The following LGR4 variants were observed in gnomAD, a reference collection of about 807,000 sequenced individuals.
LGR4 encodes leucine rich repeat containing G protein-coupled receptor 4, also known as leucine-rich repeat-containing G protein-coupled receptor 4.
Under a neutral mutation model 84.8 loss-of-function variants are expected in LGR4, and 44 were observed. The ratio of observed to expected loss-of-function variants is 0.52; its 90% CI spans 0.41 to 0.67. The LOEUF is 0.67. Ranked by LOEUF, LGR4 falls within the 30% of genes least tolerant of loss-of-function variation. The pLI is 0.00. For missense variants in LGR4, 1,032 were observed against 1,131.4 expected, an observed-to-expected ratio of 0.91 and a Z score of 1.26; for synonymous variants, 429 against 434.3, an observed-to-expected ratio of 0.99 and a Z score of 0.15.
chr11:27,414,766 G>A lies in LGR4; in HGVS notation c.186-1906C>T, dbSNP rs562517759. Among the ~76,000 whole-genome samples the A allele has an allele frequency of 2.9e-3, 448 of 152,140 alleles. 2 individuals are homozygous for A. The highest frequency in any genetic ancestry group is 0.01 in the African/African-American group (431 of 41,524). ...TGGCACCAAAACAGGGGTCAGAAAAGGCAGGCGCAACTCCCACACTGCCAC... is the reference window on the plus strand; with the variant it reads ...TGGCACCAAAACAGGGGTCAGAAAAAGCAGGCGCAACTCCCACACTGCCAC... On this transcript the variant is annotated intron_variant, in intron 1 of 17. Coordinates refer to ENST00000379214, the MANE Select transcript of LGR4 (RefSeq NM_018490.5).
At chr11:27,370,148 G>A (rs985158633) in intron 17 of LGR4, among the ~76,000 whole-genome samples, 3 of 152,112 alleles carry the variant, frequency 2.0e-5, no homozygotes, top group East Asian at 1.9e-4. Flanking sequence ...TAAAAAACAT[G>A]TTTTATGAAC....
intron 2 of LGR4, among the ~76,000 whole-genome samples, chr11:27,401,147 AG>A (rs1489771299): frequency 6.6e-6 from 1 of 152,244 alleles, no homozygotes; most frequent in Non-Finnish European, 1.5e-5. Context: ...AGAAGGGAGA[AG>A]TTATTTCACA....
intron 13 of LGR4, 150 bp downstream of exon 13, chr11:27,376,149 T>C: frequency 2.0e-6 from 1 of 490,708 alleles, no homozygotes. Flanking sequence ...GCTAATTTTT[T>C]GTATTTAGTA....
intron 2 of LGR4, among the ~76,000 whole-genome samples, chr11:27,398,131 T>C (rs1319187709): frequency 6.6e-6 from 1 of 152,208 alleles, no homozygotes; most frequent in Admixed American, 6.5e-5. Context: ...TTTTCAATAA[T>C]ATCCTTGACT....
chr11:27,408,468 C>T (rs1390638702), intron 2 of LGR4, among the ~76,000 whole-genome samples: 1 of 152,110 alleles, frequency 6.6e-6, no homozygotes, highest in East Asian at 1.9e-4. Flanking sequence ...ATCAAAGTAA[C>T]AGCCACAGCA....
intron 2 of LGR4, among the ~76,000 whole-genome samples, chr11:27,409,977 T>C (rs1202381091): frequency 1.3e-5 from 2 of 152,178 alleles, no homozygotes; most frequent in South Asian, 2.1e-4. Flanking sequence ...TGTTGTCCAA[T>C]AGAACTTTCT....
chr11:27,367,523 T>C lies in LGR4; in HGVS notation c.*344A>G, dbSNP rs1185327698. 1 of 168,388 alleles carries C rather than the reference T, an allele frequency of 5.9e-6. No homozygotes were observed. The highest frequency in any genetic ancestry group is 2.4e-5 in the African/African-American group (1 of 42,084). 10.4% of individuals were successfully genotyped at this position (168,388 alleles called of 1,614,324 possible). A position where few individuals can be genotyped will look rare whatever the true frequency, so the allele number is the denominator to read the frequency against. ...GATTTTTAAAAAATATTAACAGCTGTTCTTTATCTTGTGCTTAATACACAA... is the reference window on the plus strand; with the variant it reads ...GATTTTTAAAAAATATTAACAGCTGCTCTTTATCTTGTGCTTAATACACAA... On this transcript the variant is annotated 3_prime_UTR_variant, in exon 18 of 18. Coordinates refer to ENST00000379214, the MANE Select transcript of LGR4 (RefSeq NM_018490.5).
intron 2 of LGR4, among the ~76,000 whole-genome samples, chr11:27,397,833 C>T (rs752092504): frequency 9.9e-5 from 15 of 152,106 alleles, no homozygotes; most frequent in Admixed American, 7.9e-4. Flanking sequence ...AAGGGGACAC[C>T]GTTTACCTCA....
chr11:27,450,002 G>C, intron 1 of LGR4, among the ~76,000 whole-genome samples: 1 of 152,206 alleles, frequency 6.6e-6, no homozygotes. Flanking sequence ...CTGAAAGGCA[G>C]AACTTGGCTA....
intron 1 of LGR4, among the ~76,000 whole-genome samples, chr11:27,448,341 G>A (rs1590401916): frequency 6.7e-6 from 1 of 148,330 alleles, no homozygotes; most frequent in African/African-American, 2.5e-5. Context: ...TGCCCAGGCT[G>A]GAGTGCAATG....
rs1372891319 is a variant in LGR4, at chr11:27,434,250, A to G, written c.186-21390T>C. ...AAAAGAGAGGCTATTTGTTCTGGAG[A>G]AGATGAGATTGAGGAAGAAACCTGA... On this transcript the variant is annotated intron_variant, in intron 1 of 17. Transcript: ENST00000379214. 2.0e-5 allele frequency among the ~76,000 whole-genome samples: 3 copies of G among 152,330 alleles called. No homozygotes were observed. In the East Asian group the frequency reaches 5.8e-4, roughly 29 times the overall value.
At chr11:27,372,151 C>T (rs1862896445) in intron 16 of LGR4, 132 bp downstream of exon 16, 1 of 671,636 alleles carries the variant, frequency 1.5e-6, no homozygotes, top group African/African-American at 1.8e-5. Context: ...AGGCATGAGC[C>T]ATCACACCTG....
chr11:27,396,771 C>A (rs1863398676), intron 2 of LGR4, among the ~76,000 whole-genome samples: 1 of 152,096 alleles, frequency 6.6e-6, no homozygotes, highest in African/African-American at 2.4e-5. Flanking sequence ...TTTTGTCCCA[C>A]AAACAATATT....
intron 4 of LGR4, among the ~76,000 whole-genome samples, chr11:27,390,237 G>A (rs78232760): frequency 0.019 from 2,914 of 152,130 alleles, 86 homozygotes; most frequent in African/African-American, 0.067. Flanking sequence ...TCTAACTTGC[G>A]TGCATTTCCT....
chr11:27,392,193 C>T (rs1010367589), intron 3 of LGR4, among the ~76,000 whole-genome samples: 1 of 152,114 alleles, frequency 6.6e-6, no homozygotes, highest in Non-Finnish European at 1.5e-5. Context: ...ATGCATTAGG[C>T]ACCCAAAAAG....
At chr11:27,378,874 T>A in intron 10 of LGR4, 106 bp from the exon 11 acceptor site, 1 of 741,154 alleles carries the variant, frequency 1.3e-6, no homozygotes, top group Non-Finnish European at 2.3e-6. Context: ...TGGACTAGAT[T>A]CTATACATCC....
At chr11:27,428,245 C>G (rs1206028275) in intron 1 of LGR4, among the ~76,000 whole-genome samples, 1 of 151,776 alleles carries the variant, frequency 6.6e-6, no homozygotes, top group African/African-American at 2.4e-5. Flanking sequence ...TCAAGTGATT[C>G]TCCTTCTCCA....
At chr11:27,419,221 T>G (rs1863877975) in intron 1 of LGR4, among the ~76,000 whole-genome samples, 1 of 152,112 alleles carries the variant, frequency 6.6e-6, no homozygotes, top group African/African-American at 2.4e-5. Flanking sequence ...TAATCAATAA[T>G]AAGAAAAGTC....
Position 27,368,799 on chromosome 11 carries a change from C to T in LGR4, c.1924G>A (p.Glu642Lys), listed in dbSNP as rs150703196. The T allele has an allele frequency of 9.2e-5, 148 of 1,614,028 alleles. No homozygotes were observed. Among genetic ancestry groups the T allele is most frequent in the Non-Finnish European group, 9.2e-5 (108 of 1,179,970 alleles). Reference protein sequence around the residue: ...AIFLLMLATVERSLSAKDIMK... With the variant: ...AIFLLMLATVKRSLSAKDIMK... ...ATATCTTTTGCAGATAAGCTTCTTTCGACAGTTGCTAGCATTAATAAAAAT... is the reference window on the plus strand; with the variant it reads ...ATATCTTTTGCAGATAAGCTTCTTTTGACAGTTGCTAGCATTAATAAAAAT... Residue 642 changes from glutamate (E) to lysine (K), a missense_variant, in exon 18 of 18, where the codon GAA becomes AAA. Glu to Lys is a moderately conservative substitution (Grantham distance 56). Coordinates refer to ENST00000379214, the MANE Select transcript of LGR4 (RefSeq NM_018490.5).
Sources: allele counts gnomAD v4.1 joint callset (sites outside exome capture counted in the v4.1 genomes callset), GRCh38; gene constraint gnomAD v4.1.1; transcripts MANE v1.5; gene names NCBI Gene and HGNC (gene_info 2026-07-23, HGNC 2026-07-21).